TRIM55: variants seen among roughly 807,000 people sequenced by gnomAD.
TRIM55 encodes the protein tripartite motif containing 55.
Under a neutral mutation model 60.9 loss-of-function variants are expected in TRIM55, and 50 were observed. The observed-to-expected ratio is 0.82, with a 90% CI of 0.65 to 1.04. TRIM55 has a LOEUF of 1.04. TRIM55 is among the 50% of genes least tolerant of loss of function. The pLI, the probability that TRIM55 is intolerant of heterozygous loss-of-function variation, is 0.00. For synonymous variants in TRIM55, 237 were observed against 238.1 expected (o/e 1.00, Z 0.04); for missense variants, 681 against 666.9 (o/e 1.02, Z -0.23).
chr8:66,157,129 A>T (rs1810786903), intron 9 of TRIM55, among the ~76,000 whole-genome samples: 1 of 152,068 alleles, frequency 6.6e-6, no homozygotes, highest in African/African-American at 2.4e-5. Context: ...GAGGCTGCAG[A>T]GGGAGTGTCA....
chr8:66,124,938 A>C (rs1293252798), upstream of TRIM55, among the ~76,000 whole-genome samples: 1 of 152,194 alleles, frequency 6.6e-6, no homozygotes, highest in African/African-American at 2.4e-5. Flanking sequence ...TTCTTCCTCT[A>C]ATGTAAAAAT....
intron 9 of TRIM55, among the ~76,000 whole-genome samples, chr8:66,163,107 C>G (rs896844049): frequency 6.6e-6 from 1 of 152,092 alleles, no homozygotes; most frequent in South Asian, 2.1e-4. Flanking sequence ...GTTTGTCCCT[C>G]CCCCAGTACC....
chr8:66,155,777 A>G (rs997009914), intron 9 of TRIM55: 9 of 1,105,404 alleles, frequency 8.1e-6, no homozygotes, highest in Non-Finnish European at 1.2e-5. Flanking sequence ...TTCCTCTTCT[A>G]TAGGCCCAGA....
At chr8:66,160,797 G>T (rs187872277) in intron 9 of TRIM55, among the ~76,000 whole-genome samples, 42 of 151,354 alleles carry the variant, frequency 2.8e-4, no homozygotes, top group Admixed American at 5.9e-4. Context: ...CTGTACGCTT[G>T]TTGGCCATTT....
chr8:66,164,734 A>C (rs974070515), intron 9 of TRIM55, among the ~76,000 whole-genome samples: 12 of 152,224 alleles, frequency 7.9e-5, no homozygotes, highest in Non-Finnish European at 1.8e-4. Flanking sequence ...CCAATAGCCT[A>C]CTATAGGCAG....
intron 4 of TRIM55, among the ~76,000 whole-genome samples, chr8:66,146,431 A>G (rs1209964365): frequency 6.6e-6 from 1 of 152,230 alleles, no homozygotes; most frequent in Non-Finnish European, 1.5e-5. Flanking sequence ...AGTACACTAG[A>G]TTACACATGC....
At chr8:66,128,524 T>TTTTG (rs755916724) in intron 2 of TRIM55, 48 bp downstream of exon 2, 4 of 1,579,980 alleles carry the variant, frequency 2.5e-6, no homozygotes, top group African/African-American at 1.4e-5. Flanking sequence ...TGAAACTTGT[T>TTTTG]TTTGTTTGTT....
chr8:66,137,226 C>A (rs999717991), intron 4 of TRIM55, 36 bp downstream of exon 4: 53 of 1,507,316 alleles, frequency 3.5e-5, no homozygotes, highest in Non-Finnish European at 4.7e-5. Flanking sequence ...CTCAACCAAG[C>A]CTGCAATGCC....
chr8:66,172,200 A>G (rs12543727), intron 9 of TRIM55, among the ~76,000 whole-genome samples: 4 of 152,152 alleles, frequency 2.6e-5, no homozygotes, highest in Admixed American at 2.6e-4. Context: ...TCTCATCTCT[A>G]TTTTACAGAA....
chr8:66,123,335 C>G (rs1326058840), upstream of TRIM55, among the ~76,000 whole-genome samples: 1 of 152,176 alleles, frequency 6.6e-6, no homozygotes, highest in African/African-American at 2.4e-5. Context: ...AGCCTGACCA[C>G]CTTGGGCACC....
chr8:66,164,256 G>T (rs925858123), intron 9 of TRIM55, among the ~76,000 whole-genome samples: 3 of 152,194 alleles, frequency 2.0e-5, no homozygotes, highest in African/African-American at 4.8e-5. Context: ...TCAGCCACAA[G>T]CACGGCCAAG....
upstream of TRIM55, among the ~76,000 whole-genome samples, chr8:66,122,970 A>G (rs78513108): frequency 0.034 from 5,131 of 152,266 alleles, 128 homozygotes; most frequent in Middle Eastern, 0.075. Context: ...AGGAAAATCT[A>G]CATTCTATAG....
chr8:66,138,579 T>G (rs1809620345), intron 4 of TRIM55, among the ~76,000 whole-genome samples: 1 of 152,084 alleles, frequency 6.6e-6, no homozygotes, highest in South Asian at 2.1e-4. Flanking sequence ...TTAGTAGAGG[T>G]GGGCTCTCAT....
intron 2 of TRIM55, among the ~76,000 whole-genome samples, chr8:66,130,611 C>T (rs1302446758): frequency 6.6e-6 from 1 of 150,446 alleles, no homozygotes; most frequent in Admixed American, 6.6e-5. Context: ...CAACTCTGAC[C>T]TCCTCCAGAA....
intron 4 of TRIM55, among the ~76,000 whole-genome samples, chr8:66,141,491 G>T (rs958192257): frequency 4.6e-5 from 7 of 152,212 alleles, no homozygotes; most frequent in African/African-American, 1.7e-4. Context: ...ATGGGGGGCT[G>T]CCTGTAGGAA....
Position 66,154,338 on chromosome 8 carries a change from A to C in TRIM55, c.1524+4A>C, listed in dbSNP as rs1471707392. On this transcript the variant is annotated splice_donor_region_variant and intron_variant, in intron 9 of 9. Transcript: ENST00000315962. ...TGCACCTGCAGCTACTTCTCAGGTT[A>C]GTGATGATGCACTTGTGTCTATGCT... The C allele has an allele frequency of 1.7e-5, 28 of 1,613,428 alleles. No individual in the cohort carries two copies. Among genetic ancestry groups the C allele is most frequent in the Non-Finnish European group, 2.4e-5 (28 of 1,179,450 alleles).
chr8:66,157,911 A>G (rs1243980428), intron 9 of TRIM55, among the ~76,000 whole-genome samples: 2 of 152,156 alleles, frequency 1.3e-5, no homozygotes, highest in Non-Finnish European at 2.9e-5. Context: ...CGAGTGATGG[A>G]CAGGACCACT....
chr8:66,116,553 GC>G, the TRIM55 span, among the ~76,000 whole-genome samples: 1 of 133,042 alleles, frequency 7.5e-6, no homozygotes, highest in African/African-American at 3.3e-5. Flanking sequence ...GCTGCAGTGA[GC>G]AGTGATTGCG....
intron 4 of TRIM55, among the ~76,000 whole-genome samples, chr8:66,147,807 A>AC (rs1810182024): frequency 8.8e-5 from 13 of 147,394 alleles, no homozygotes; most frequent in African/African-American, 3.5e-4. Context: ...AAAAAAAAAA[A>AC]AAAAAAAAAA....
Sources: gnomAD v4.1 joint callset for allele counts (sites outside exome capture counted in the v4.1 genomes callset) on GRCh38, gnomAD v4.1.1 for gene constraint, MANE v1.5 for transcripts, NCBI Gene and HGNC (gene_info 2026-07-23, HGNC 2026-07-21) for gene names.